Variants in ABLIM2 observed in about 807,000 individuals in gnomAD.
ABLIM2 encodes the protein actin-binding LIM protein 2.
Under a neutral mutation model 97.7 loss-of-function variants are expected in ABLIM2, and 53 were observed. That is an observed-to-expected ratio of 0.54 (90% confidence interval 0.44 to 0.68). The LOEUF is 0.68. ABLIM2 is among the 30% of genes least tolerant of loss of function. The pLI is 0.00. For missense variants in ABLIM2, 835 were observed against 867.2 expected (o/e 0.96, Z 0.47); for synonymous variants, 361 against 345.8 (o/e 1.04, Z -0.49).
intron 17 of ABLIM2, among the ~76,000 whole-genome samples, chr4:7,991,969 G>A (rs1259629524): frequency 6.6e-6 from 1 of 152,164 alleles, no homozygotes; most frequent in East Asian, 1.9e-4. Context: ...ACAAAGAGGG[G>A]GCCAGTTTTT....
rs1760831439 is a variant in ABLIM2 at position 8,005,715 on chromosome 4, T to C, written c.1618+2344A>G. Among the ~76,000 whole-genome samples the C allele has an allele frequency of 6.6e-6, 1 of 152,114 alleles. No homozygotes were observed. Among genetic ancestry groups the C allele is most frequent in the African/African-American group, 2.4e-5 (1 of 41,430 alleles). ...CAAATCGGGAAACAAGGCAATGCCATCGGGACAGAAGTAAAGGCACAATCA... is the reference window on the plus strand; with the variant it reads ...CAAATCGGGAAACAAGGCAATGCCACCGGGACAGAAGTAAAGGCACAATCA... On this transcript the variant is annotated intron_variant, in intron 16 of 20. Transcript: ENST00000447017. This position sits in a 1 kb window ranked among gnomAD's most constrained non-coding sequence, Gnocchi z 4.9.
At position 8,123,127 on chromosome 4, in the gene ABLIM2, C is replaced by T. The variant is rs960296173; in HGVS notation, c.11-16490G>A. On this transcript the variant is annotated intron_variant, in intron 1 of 20. Transcript: ENST00000447017. The surrounding 1 kb of genome is among the most constrained non-coding windows in gnomAD (Gnocchi z 6.2). ...TGTCCCAGCACTGCTGGAGGAAGAC[C>T]TCTTTGCCCGGGTCTGGACTCCTTA... Among the ~76,000 whole-genome samples, 2 of 152,224 alleles carry T rather than the reference C, an allele frequency of 1.3e-5. No individual in the cohort carries two copies. Among genetic ancestry groups the T allele is most frequent in the Non-Finnish European group, 2.9e-5 (2 of 68,030 alleles).
rs747883927 is a variant in ABLIM2, at chr4:8,112,904, G to A, written c.11-6267C>T. 5.9e-5 allele frequency among the ~76,000 whole-genome samples: 9 copies of A among 152,170 alleles called. No homozygotes were observed. The highest frequency in any genetic ancestry group is 1.2e-4 in the African/African-American group (5 of 41,416). ...ATGTGTTCACTTGTTCAACAGACAC[G>A]GGAGCAGACGCACTGTCAGGTACTG... On this transcript the variant is annotated intron_variant, in intron 1 of 20. Coordinates refer to ENST00000447017, the MANE Select transcript of ABLIM2 (RefSeq NM_001130083.2). This position sits in a 1 kb window ranked among gnomAD's most constrained non-coding sequence, Gnocchi z 4.2.
At chr4:8,118,329 C>T (rs554127880) in intron 1 of ABLIM2, among the ~76,000 whole-genome samples, 3 of 152,324 alleles carry the variant, frequency 2.0e-5, no homozygotes, top group Admixed American at 2.0e-4. Flanking sequence ...CAGGAGCTGG[C>T]CCCATGAGAC....
At chr4:8,097,976 G>A (rs376617364) in intron 2 of ABLIM2, among the ~76,000 whole-genome samples, 4 of 152,190 alleles carry the variant, frequency 2.6e-5, no homozygotes, top group Admixed American at 2.0e-4. Flanking sequence ...GCTCCATGGA[G>A]GGCTGAGGGA....
intron 2 of ABLIM2, among the ~76,000 whole-genome samples, chr4:8,099,320 C>T (rs1463150587): frequency 6.6e-6 from 1 of 152,216 alleles, no homozygotes; most frequent in African/African-American, 2.4e-5. Context: ...TCACAGCACT[C>T]ATGGCTCTGG....
intron 5 of ABLIM2, among the ~76,000 whole-genome samples, chr4:8,080,301 G>A (rs1319345899): frequency 6.6e-6 from 1 of 152,194 alleles, no homozygotes; most frequent in Non-Finnish European, 1.5e-5. Context: ...ACCTCCTGCA[G>A]GACATCCAGG....
chr4:7,976,788 AGTATACACACATACACAT>A (rs926254254), intron 20 of ABLIM2, among the ~76,000 whole-genome samples: 2 of 151,964 alleles, frequency 1.3e-5, no homozygotes, highest in Admixed American at 6.5e-5. Context: ...CATACACACA[AGTATACACACATACACAT>A]GTATACACAC....
In ABLIM2 at chr4:7,996,859, G is replaced by A. The variant is rs1051515555; in HGVS notation, c.1619-3932C>T. Among the ~76,000 whole-genome samples the A allele has an allele frequency of 3.3e-5, 5 of 152,168 alleles. No homozygotes were observed. The highest frequency in any genetic ancestry group is 2.1e-4 in the South Asian group (1 of 4,816). The stretch of plus-strand genomic sequence containing the variant: ...GGCTTCTGATGAGAAATCTGCTATC[G>A]CTTGAATTGGTGTTTCCCCTCTGTT... On this transcript the variant is annotated intron_variant, in intron 16 of 20. Transcript: ENST00000447017. The surrounding 1 kb of genome is among the most constrained non-coding windows in gnomAD (Gnocchi z 4.5).
At position 8,140,480 on chromosome 4, in the gene ABLIM2, C is replaced by A. The variant is rs967860519; in HGVS notation, c.10+18200G>T. ...ACCACCTGGAGGCTTGGAAACCTGG[C>A]GGGGAGCATGGGGGAAAGGGGGCAG... On this transcript the variant is annotated intron_variant, in intron 1 of 20. Transcript: ENST00000447017. The surrounding 1 kb of genome is among the most constrained non-coding windows in gnomAD (Gnocchi z 5.9). Among the ~76,000 whole-genome samples the A allele has an allele frequency of 6.6e-6, 1 of 150,984 alleles. No homozygotes were observed. Among genetic ancestry groups the A allele is most frequent in the African/African-American group, 2.4e-5 (1 of 41,088 alleles).
intron 1 of ABLIM2, among the ~76,000 whole-genome samples, chr4:8,108,212 C>T (rs1838414820): frequency 6.6e-6 from 1 of 152,248 alleles, no homozygotes; most frequent in Non-Finnish European, 1.5e-5. Context: ...CAAGCCCCTC[C>T]CCTCTGCATT....
At chr4:8,118,256 C>T (rs1036779185) in intron 1 of ABLIM2, among the ~76,000 whole-genome samples, 1 of 152,182 alleles carries the variant, frequency 6.6e-6, no homozygotes, top group Non-Finnish European at 1.5e-5. Flanking sequence ...TCTGGGGAGA[C>T]GCCAGAGGAC....
In ABLIM2 at chr4:8,036,212, G is replaced by A. The variant is rs763125239; in HGVS notation, c.984C>T (p.Pro328=). The change falls in exon 10 of 21, where the codon CCC becomes CCT. Residue 328 remains proline, a synonymous_variant. Coordinates refer to ENST00000447017, the MANE Select transcript of ABLIM2 (RefSeq NM_001130083.2). The part of the protein sequence containing the change: ...KSKAIYDIDR[P]DMISYSPYIS... ...TGTAGGGTGAGTAGGAGATCATGTC[G>A]GGGCGGTCGATGTCATAGATGGCCT... The A allele has an allele frequency of 9.3e-6, 15 of 1,613,894 alleles. No homozygotes were observed. Among genetic ancestry groups the A allele is most frequent in the East Asian group, 2.2e-5 (1 of 44,886 alleles).
chr4:8,036,097 G>C, intron 10 of ABLIM2, 52 bp downstream of exon 10: 1 of 1,600,228 alleles, frequency 6.2e-7, no homozygotes, highest in East Asian at 2.2e-5. Context: ...CTGTCCTGCA[G>C]GGCAGCACTT....
In ABLIM2 at chr4:8,021,008, T is replaced by C. The variant is rs1014445636; in HGVS notation, c.1268-705A>G. 5.9e-5 allele frequency among the ~76,000 whole-genome samples: 9 copies of C among 151,820 alleles called. No homozygotes were observed. Among genetic ancestry groups the C allele is most frequent in the African/African-American group, 2.2e-4 (9 of 41,306 alleles). The stretch of plus-strand genomic sequence containing the variant: ...AGTTGCTGGGACCACAGGTGTGCAC[T>C]ACCACGCCTGGCTAATTTTTTTAAT... On this transcript the variant is annotated intron_variant, in intron 12 of 20. Transcript: ENST00000447017. This position sits in a 1 kb window ranked among gnomAD's most constrained non-coding sequence, Gnocchi z 5.5.
intron 14 of ABLIM2, among the ~76,000 whole-genome samples, chr4:8,009,969 A>C (rs1317368): frequency 0.096 from 14,665 of 152,270 alleles, 941 homozygotes; most frequent in African/African-American, 0.18. Context: ...CCTGTCTGCC[A>C]CACCTGGCTA....
At chr4:8,070,199 G>A (rs1220294183) in intron 6 of ABLIM2, among the ~76,000 whole-genome samples, 1 of 150,934 alleles carries the variant, frequency 6.6e-6, no homozygotes, top group Non-Finnish European at 1.5e-5. Flanking sequence ...TGCTGTGTCT[G>A]TCTTGTGTGT....
chr4:8,055,575 T>C (rs1798545879), intron 7 of ABLIM2, among the ~76,000 whole-genome samples: 1 of 152,216 alleles, frequency 6.6e-6, no homozygotes, highest in South Asian at 2.1e-4. Flanking sequence ...GTGGCTGACT[T>C]GTGTATCCCA....
chr4:7,988,450 A>G (rs1446094824), intron 17 of ABLIM2, among the ~76,000 whole-genome samples: 1 of 152,230 alleles, frequency 6.6e-6, no homozygotes, highest in Admixed American at 6.5e-5. Flanking sequence ...CTTGCCTGAG[A>G]TCATATGACA....
Sources: gnomAD v4.1 joint callset for allele counts (sites outside exome capture counted in the v4.1 genomes callset) on GRCh38, gnomAD v4.1.1 for gene constraint, Gnocchi (gnomAD v3.1) non-coding constraint, MANE v1.5 for transcripts, NCBI Gene and HGNC (gene_info 2026-07-23, HGNC 2026-07-21) for gene names.